ZNF266: variants seen among roughly 807,000 people sequenced by gnomAD.
The protein encoded by ZNF266 is zinc finger protein 1.
In ZNF266, 16 loss-of-function variants were observed where a neutral mutation model predicts 16.4. The observed-to-expected ratio is 0.98, with a 90% confidence interval of 0.66 to 1.48. The LOEUF (loss-of-function observed/expected upper bound fraction) is 1.48, where lower values mean the gene tolerates loss of function less well. ZNF266 is among the 40% of genes most tolerant of loss of function. ZNF266 has a pLI of 0.00. For missense variants in ZNF266, 738 were observed against 689.1 expected (o/e 1.07, Z -0.79); for synonymous variants, 262 against 237.9 (o/e 1.10, Z -0.93).
At chr19:9,416,543 T>C (rs745492480) in intron 9 of ZNF266, among the ~76,000 whole-genome samples, 7 of 151,094 alleles carry the variant, frequency 4.6e-5, no homozygotes, top group Non-Finnish European at 7.4e-5. Context: ...TTTGCATTTT[T>C]AGTAGAGACA....
At position 9,418,598 on chromosome 19, in the gene ZNF266, A is replaced by G; in HGVS notation, c.142T>C (p.Phe48Leu). Reference protein sequence around the residue: ...SVTFDDLAVDFTPEEWTLLDP... With the variant: ...SVTFDDLAVDLTPEEWTLLDP... ...AGTAAAGTCCATTCTTCTGGGGTGAAGTCCACAGCCAGATCATCAAAAGTC... is the reference window on the plus strand; with the variant it reads ...AGTAAAGTCCATTCTTCTGGGGTGAGGTCCACAGCCAGATCATCAAAAGTC... The change falls in exon 8 of 11, where the codon TTC (phenylalanine) becomes CTC (leucine). Residue 48 changes from phenylalanine (F) to leucine (L), a missense_variant. Transcript: ENST00000592904. The G allele has an allele frequency of 1.3e-6, 2 of 1,564,366 alleles. No individual in the cohort carries two copies. The highest frequency in any genetic ancestry group is 8.8e-7 in the Non-Finnish European group (1 of 1,134,762).
Position 9,414,139 on chromosome 19 carries a change from G to GT in ZNF266, c.986dup (p.His329GlnfsTer8). ...TACATTTATAAGGTTTCTCTCCAGT[G>GT]TGAGTTTTTCTGTGCTGAGTAAGTT... On this transcript the variant is annotated frameshift_variant, in exon 11 of 11. Coordinates refer to ENST00000592904, the MANE Select transcript of ZNF266 (RefSeq NM_001370374.1). LOFTEE classifies it low-confidence loss of function (END_TRUNC). 1 of 1,613,974 alleles carries GT rather than the reference G, an allele frequency of 6.2e-7. No homozygotes were observed. Among genetic ancestry groups the GT allele is most frequent in the South Asian group, 1.1e-5 (1 of 91,078 alleles).
At chr19:9,432,733 G>A (rs572096063) in intron 5 of ZNF266, among the ~76,000 whole-genome samples, 3 of 151,240 alleles carry the variant, frequency 2.0e-5, no homozygotes, top group East Asian at 1.9e-4. Flanking sequence ...ATAAAAATAG[G>A]CTATTTATCC....
chr19:9,430,494 G>A, intron 5 of ZNF266, among the ~76,000 whole-genome samples: 1 of 152,038 alleles, frequency 6.6e-6, no homozygotes, highest in East Asian at 1.9e-4. Flanking sequence ...CTTGCCCCTT[G>A]GTTACACACA....
chr19:9,428,008 G>A (rs1385277220), intron 5 of ZNF266, among the ~76,000 whole-genome samples: 2 of 152,012 alleles, frequency 1.3e-5, no homozygotes, highest in African/African-American at 2.4e-5. Flanking sequence ...CTTCCTAAAA[G>A]GACTCCCTTC....
chr19:9,414,839 A>G, intron 10 of ZNF266, 119 bp from the exon 11 acceptor site: 1 of 1,182,246 alleles, frequency 8.5e-7, no homozygotes, highest in Non-Finnish European at 1.1e-6. Context: ...TTCATTACAC[A>G]CATATAAGTA....
Position 9,413,382 on chromosome 19 carries a change from T to C in ZNF266, c.1744A>G (p.Thr582Ala), listed in dbSNP as rs2068497542. ...NSFQLHERTH[T>A]GEKPYECKEC... is the part of the protein sequence containing the mutation. Reference sequence around the variant, plus strand: ...TTACATTCATAGGGTTTCTCTCCAGTGTGAGTTCGTTCATGTAACTGAAAC... The same window carrying C: ...TTACATTCATAGGGTTTCTCTCCAGCGTGAGTTCGTTCATGTAACTGAAAC... The change falls in exon 11 of 11, where the codon ACT becomes GCT. Residue 582 changes from threonine to alanine, a missense_variant. Coordinates refer to ENST00000592904, the MANE Select transcript of ZNF266 (RefSeq NM_001370374.1). 5 of 1,614,086 alleles carry C rather than the reference T, an allele frequency of 3.1e-6. No individual in the cohort carries two copies. The highest frequency in any genetic ancestry group is 1.7e-5 in the Admixed American group (1 of 59,994).
Position 9,414,631 on chromosome 19 carries a change from T to C in ZNF266, c.495A>G (p.Arg165=), listed in dbSNP as rs201504983. 9.3e-6 allele frequency: 15 copies of C among 1,609,558 alleles called. No individual in the cohort carries two copies. Among genetic ancestry groups the C allele is most frequent in the Admixed American group, 8.3e-5 (5 of 59,952 alleles). The change falls in exon 11 of 11, where the codon AGA becomes AGG. Residue 165 remains arginine, a synonymous_variant. Coordinates refer to ENST00000592904, the MANE Select transcript of ZNF266 (RefSeq NM_001370374.1). ...SEHSCLKTHV[R]TQNSENTFEC... ...CAAATGTGTTCTCACTATTTTGAGT[T>C]CTCACATGTGTCTTAAGGCATGAGT...
chr19:9,413,374 C>T lies in ZNF266; in HGVS notation c.1752G>A (p.Glu584=), dbSNP rs775071395. The change falls in exon 11 of 11, where the codon GAG becomes GAA. Residue 584 remains glutamate (E), a synonymous_variant. Coordinates refer to ENST00000592904, the MANE Select transcript of ZNF266 (RefSeq NM_001370374.1). ...CGCACTCCTTACATTCATAGGGTTTCTCTCCAGTGTGAGTTCGTTCATGTA... is the reference window on the plus strand; with the variant it reads ...CGCACTCCTTACATTCATAGGGTTTTTCTCCAGTGTGAGTTCGTTCATGTA... ...FQLHERTHTG[E]KPYECKECGK... The T allele has an allele frequency of 6.2e-7, 1 of 1,614,204 alleles. No homozygotes were observed. Among genetic ancestry groups the T allele is most frequent in the East Asian group, 2.2e-5 (1 of 44,892 alleles).
rs2068428015 is a variant in ZNF266, at chr19:9,412,540, C to G, written c.*735G>C. 6.6e-6 allele frequency: 1 copy of G among 152,180 alleles called. No homozygotes were observed. The highest frequency in any genetic ancestry group is 1.5e-5 in the Non-Finnish European group (1 of 68,036). 9.4% of individuals were successfully genotyped at this position (152,180 alleles called of 1,614,324 possible). ...GACAAGCTTGATCTAAAGCTTTTCC[C>G]AAGTTCCTCACAGTATTAGTTTCCT... On this transcript the variant is annotated 3_prime_UTR_variant, in exon 11 of 11. Coordinates refer to ENST00000592904, the MANE Select transcript of ZNF266 (RefSeq NM_001370374.1).
chr19:9,430,227 T>G (rs2071387594), intron 5 of ZNF266, among the ~76,000 whole-genome samples: 1 of 152,182 alleles, frequency 6.6e-6, no homozygotes, highest in Admixed American at 6.5e-5. Context: ...ACTGATCAAC[T>G]GCCTTCGTTC....
At chr19:9,431,782 C>T (rs2071636062) in intron 5 of ZNF266, among the ~76,000 whole-genome samples, 1 of 152,216 alleles carries the variant, frequency 6.6e-6, no homozygotes, top group South Asian at 2.1e-4. Flanking sequence ...GCTACAGCCA[C>T]ACTGTGGCCA....
Position 9,418,548 on chromosome 19 carries a change from G to A in ZNF266, c.192C>T (p.Tyr64=), listed in dbSNP as rs200763039. ...TGTAGTTCTCCAGCATCACATCTCTGTAGAGGTTTCTCTGAGTTGGGTCCA... is the reference window on the plus strand; with the variant it reads ...TGTAGTTCTCCAGCATCACATCTCTATAGAGGTTTCTCTGAGTTGGGTCCA... ...TLLDPTQRNL[Y]RDVMLENYKN... The change falls in exon 8 of 11, where the codon TAC becomes TAT. Residue 64 remains tyrosine (Y), a synonymous_variant. Transcript: ENST00000592904. 1.1e-3 allele frequency: 1,719 copies of A among 1,614,148 alleles called. 36 individuals are homozygous for A. The South Asian group carries it at 0.018, about 17-fold the overall frequency.
intron 9 of ZNF266, among the ~76,000 whole-genome samples, chr19:9,416,179 G>A (rs1446518195): frequency 6.6e-6 from 1 of 152,036 alleles, no homozygotes; most frequent in Admixed American, 6.6e-5. Flanking sequence ...AGACAGATTT[G>A]AAGATTGTAT....
intron 5 of ZNF266, among the ~76,000 whole-genome samples, chr19:9,424,392 C>T (rs1290868922): frequency 6.6e-6 from 1 of 152,098 alleles, no homozygotes; most frequent in Non-Finnish European, 1.5e-5. Context: ...TAATGGAAAA[C>T]CACAACTGAA....
At chr19:9,432,130 AT>A (rs61198465) in intron 5 of ZNF266, among the ~76,000 whole-genome samples, 84,911 of 150,914 alleles carry the variant, frequency 0.56, 24,049 homozygotes, top group Middle Eastern at 0.63. Context: ...TAATTTTTGT[AT>A]TTTTTTTAAT....
chr19:9,416,663 CTTTT>C (rs368700653), intron 9 of ZNF266, among the ~76,000 whole-genome samples: 2 of 56,944 alleles, frequency 3.5e-5, no homozygotes, highest in Admixed American at 2.5e-4. Context: ...CGTGCCAGGC[CTTTT>C]TTTTTTTTTT....
chr19:9,421,677 TCTA>T (rs1272058612), intron 5 of ZNF266, among the ~76,000 whole-genome samples: 1 of 152,160 alleles, frequency 6.6e-6, no homozygotes, highest in African/African-American at 2.4e-5. Context: ...TTCATTTTTC[TCTA>T]CTATTTAAAT....
At chr19:9,425,277 A>T (rs1190714404) in intron 5 of ZNF266, among the ~76,000 whole-genome samples, 1 of 152,212 alleles carries the variant, frequency 6.6e-6, no homozygotes, top group East Asian at 1.9e-4. Context: ...CACAGGTTGA[A>T]CACCCGGCTG....
Sources: allele counts gnomAD v4.1 joint callset (sites outside exome capture counted in the v4.1 genomes callset), GRCh38; gene constraint gnomAD v4.1.1; transcripts MANE v1.5; gene names NCBI Gene and HGNC (gene_info 2026-07-23, HGNC 2026-07-21).